GLRA2: variants seen among roughly 807,000 people sequenced by gnomAD.
GLRA2 encodes glycine receptor alpha 2, also known as glycine receptor subunit alpha-2.
In GLRA2, 11 loss-of-function variants were observed where a neutral mutation model predicts 31.6. That is an observed-to-expected ratio of 0.35 (90% CI 0.22 to 0.58). The LOEUF (loss-of-function observed/expected upper bound fraction) is 0.58, where lower values mean the gene tolerates loss of function less well. Ranked by LOEUF, GLRA2 falls within the 20% of genes least tolerant of loss-of-function variation. The pLI is 0.84. For missense variants in GLRA2, 212 were observed against 351.8 expected (o/e 0.60, Z 3.18); for synonymous variants, 132 against 134.0 (o/e 0.99, Z 0.10).
intron 7 of GLRA2, among the ~76,000 whole-genome samples, chrX:14,641,878 C>A (rs913748911): frequency 1.8e-5 from 2 of 112,030 alleles, no homozygotes; most frequent in African/African-American, 6.5e-5. Context: ...GCTTTTCAGA[C>A]CCACCATATG....
chrX:14,630,097 G>T (rs62586496), intron 7 of GLRA2, among the ~76,000 whole-genome samples: 18,722 of 110,877 alleles, frequency 0.17, 1,491 homozygotes, highest in Non-Finnish European at 0.24. Context: ...TTTACCCATG[G>T]GAATTATTTT....
rs369250316 is a variant in GLRA2 at position 14,639,543 on chromosome X, T to C, written c.930+30338T>C. ...TATGTTTTTCTCTATTCAGTGACAA[T>C]GCTTCCCTATTTTAGTGCCAGTGTG... is the stretch of plus-strand genomic sequence containing the variant. On this transcript the variant is annotated intron_variant, in intron 7 of 8. Coordinates refer to ENST00000218075, the MANE Select transcript of GLRA2 (RefSeq NM_002063.4). 1.2e-4 allele frequency among the ~76,000 whole-genome samples: 13 copies of C among 112,242 alleles called. No individual in the cohort carries two copies. The East Asian group carries it at 2.2e-3, about 19-fold the overall frequency.
intron 7 of GLRA2, among the ~76,000 whole-genome samples, chrX:14,620,298 A>G (rs777792029): frequency 2.8e-5 from 3 of 108,300 alleles, no homozygotes; most frequent in Non-Finnish European, 5.7e-5. Flanking sequence ...GCAAGCCTCC[A>G]TTGTCCCTTC....
chrX:14,472,976 C>T, the GLRA2 span, among the ~76,000 whole-genome samples: 1 of 111,086 alleles, frequency 9.0e-6, no homozygotes, highest in Admixed American at 9.6e-5. Context: ...ATGCTCATGA[C>T]CCAGAGAAAT....
chrX:14,468,488 C>T, the GLRA2 span, among the ~76,000 whole-genome samples: 1 of 111,662 alleles, frequency 9.0e-6, no homozygotes, highest in African/African-American at 3.3e-5. Flanking sequence ...TGATGTGGAA[C>T]GCTTGTTTAC....
chrX:14,631,127 T>C (rs989093613), intron 7 of GLRA2, among the ~76,000 whole-genome samples: 1 of 111,532 alleles, frequency 9.0e-6, no homozygotes, highest in Non-Finnish European at 1.9e-5. Flanking sequence ...TTCATTTTAG[T>C]TTTTACTGTC....
chrX:14,540,903 C>T (rs1185286255), intron 2 of GLRA2, among the ~76,000 whole-genome samples: 1 of 102,728 alleles, frequency 9.7e-6, no homozygotes, highest in Non-Finnish European at 2.0e-5. Flanking sequence ...GGAGGGGGCA[C>T]TAGAAATAAA....
intron 7 of GLRA2, among the ~76,000 whole-genome samples, chrX:14,636,400 T>C (rs1166192425): frequency 9.0e-6 from 1 of 111,259 alleles, no homozygotes; most frequent in East Asian, 2.8e-4. Flanking sequence ...CTCGGTATGA[T>C]GTGATGAGAA....
intron 2 of GLRA2, among the ~76,000 whole-genome samples, chrX:14,539,790 T>G (rs1015616155): frequency 8.9e-6 from 1 of 112,082 alleles, no homozygotes; most frequent in Non-Finnish European, 1.9e-5. Context: ...CTGTGAAGTA[T>G]ATATATGACT....
intron 8 of GLRA2, among the ~76,000 whole-genome samples, chrX:14,691,288 T>A (rs944128691): frequency 8.9e-4 from 85 of 95,501 alleles, no homozygotes; most frequent in African/African-American, 2.7e-3. Context: ...TGTGTGTGTG[T>A]GTGTGTGTGT....
At chrX:14,692,293 C>T (rs781044737) in intron 8 of GLRA2, among the ~76,000 whole-genome samples, 16 of 112,461 alleles carry the variant, frequency 1.4e-4, no homozygotes, top group Non-Finnish European at 2.8e-4. Context: ...CTCACTGCCT[C>T]CCTGTTGGTG....
At chrX:14,576,624 C>G (rs754143561) in intron 3 of GLRA2, among the ~76,000 whole-genome samples, 1 of 111,807 alleles carries the variant, frequency 8.9e-6, no homozygotes, top group Non-Finnish European at 1.9e-5. Context: ...TGCACCTTTT[C>G]GATGTTCATT....
At chrX:14,607,020 T>C (rs1318274701) in intron 5 of GLRA2, 111 bp from the exon 6 acceptor site, 7 of 493,264 alleles carry the variant, frequency 1.4e-5, no homozygotes, top group African/African-American at 2.4e-5. Flanking sequence ...TTGAATTGAC[T>C]GAGCGTATGT....
chrX:14,714,324 TG>T (rs2091753743), intron 8 of GLRA2, among the ~76,000 whole-genome samples: 1 of 111,171 alleles, frequency 9.0e-6, no homozygotes, highest in Non-Finnish European at 1.9e-5. Flanking sequence ...TGGCATCTAG[TG>T]GGTAAAGGCC....
chrX:14,679,427 T>C (rs1405719088), intron 7 of GLRA2, among the ~76,000 whole-genome samples: 2 of 102,690 alleles, frequency 1.9e-5, no homozygotes, highest in African/African-American at 7.1e-5. Context: ...TGATGATTGT[T>C]AAAAAAAAAA....
chrX:14,553,085 G>T (rs765592418), intron 2 of GLRA2, among the ~76,000 whole-genome samples: 1 of 111,757 alleles, frequency 8.9e-6, no homozygotes, highest in South Asian at 3.8e-4. Flanking sequence ...ATCTTGGAGG[G>T]ACAACCGTAT....
chrX:14,527,814 T>A (rs1339738147), upstream of GLRA2, among the ~76,000 whole-genome samples: 1 of 111,377 alleles, frequency 9.0e-6, no homozygotes, highest in Non-Finnish European at 1.9e-5. Flanking sequence ...ATTTTATATA[T>A]TTTTTTGGGT....
chrX:14,573,254 C>G (rs2188928), intron 2 of GLRA2, among the ~76,000 whole-genome samples: 1 of 110,644 alleles, frequency 9.0e-6, no homozygotes, highest in Non-Finnish European at 1.9e-5. Context: ...GAACCCCACA[C>G]GGACTTCTGA....
the GLRA2 span, among the ~76,000 whole-genome samples, chrX:14,467,738 CA>C: frequency 9.0e-6 from 1 of 110,686 alleles, no homozygotes; most frequent in East Asian, 2.8e-4. Context: ...TTCCAGTTCC[CA>C]GATGAGTAGT....
Sources: gnomAD v4.1 joint callset for allele counts (sites outside exome capture counted in the v4.1 genomes callset) on GRCh38, gnomAD v4.1.1 for gene constraint, MANE v1.5 for transcripts, NCBI Gene and HGNC (gene_info 2026-07-23, HGNC 2026-07-21) for gene names.